Variants in AUH observed in about 807,000 individuals in gnomAD.
The protein encoded by AUH is AU RNA binding methylglutaconyl-CoA hydratase, also known as methylglutaconyl-CoA hydratase, mitochondrial.
Under a neutral mutation model 42.3 loss-of-function variants are expected in AUH, and 29 were observed. That is an observed-to-expected ratio of 0.69 (90% confidence interval 0.51 to 0.93). AUH has a LOEUF of 0.93. Ranked by LOEUF, AUH falls within the 40% of genes least tolerant of loss-of-function variation. The pLI is 0.00. For synonymous variants in AUH, 174 were observed against 166.4 expected (o/e 1.05, Z -0.35); for missense variants, 452 against 438.1 (o/e 1.03, Z -0.28).
intron 6 of AUH, among the ~76,000 whole-genome samples, chr9:91,256,337 A>C (rs958118283): frequency 7.2e-5 from 11 of 152,084 alleles, no homozygotes; most frequent in African/African-American, 2.4e-4. Flanking sequence ...CAATCTGGAG[A>C]CTGAGATCCA....
chr9:91,341,220 C>A (rs994840167), intron 3 of AUH, among the ~76,000 whole-genome samples: 9 of 152,162 alleles, frequency 5.9e-5, no homozygotes, highest in Admixed American at 5.9e-4. Flanking sequence ...ACAATGCTCA[C>A]CTCACCACAT....
At chr9:91,297,928 G>A in intron 5 of AUH, 56 bp downstream of exon 5, 1 of 1,298,828 alleles carries the variant, frequency 7.7e-7, no homozygotes, top group South Asian at 1.2e-5. Context: ...ATTACCTGAA[G>A]AGTAAACACA....
chr9:91,221,268 C>T (rs1464717188), intron 6 of AUH, among the ~76,000 whole-genome samples: 1 of 152,166 alleles, frequency 6.6e-6, no homozygotes, highest in Non-Finnish European at 1.5e-5. Context: ...GAGTCCAATC[C>T]ACAGTCATCA....
intron 6 of AUH, among the ~76,000 whole-genome samples, chr9:91,230,170 T>TA (rs1474925746): frequency 1.3e-5 from 2 of 151,952 alleles, no homozygotes; most frequent in Non-Finnish European, 2.9e-5. Context: ...TTGGTTCCAT[T>TA]CTCCCCATCA....
intron 6 of AUH, among the ~76,000 whole-genome samples, chr9:91,266,519 C>G (rs1225651635): frequency 6.6e-6 from 1 of 152,150 alleles, no homozygotes; most frequent in African/African-American, 2.4e-5. Context: ...TAATTTGTGG[C>G]CTCTACAATA....
At chr9:91,224,089 T>A (rs140733749) in intron 6 of AUH, among the ~76,000 whole-genome samples, 92 of 152,292 alleles carry the variant, frequency 6.0e-4, no homozygotes, top group African/African-American at 2.0e-3. Flanking sequence ...CAGCAGCCGA[T>A]TAAAGCCTTC....
chr9:91,344,968 G>A (rs1014942078), intron 3 of AUH, among the ~76,000 whole-genome samples: 2 of 150,520 alleles, frequency 1.3e-5, no homozygotes, highest in African/African-American at 2.4e-5. Flanking sequence ...AATCTTAATA[G>A]ATGCCAAAAA....
intron 6 of AUH, among the ~76,000 whole-genome samples, chr9:91,254,521 T>C (rs967777052): frequency 2.0e-5 from 3 of 152,180 alleles, no homozygotes; most frequent in African/African-American, 4.8e-5. Context: ...GTATGGAGGA[T>C]AGAATTCCAG....
chr9:91,247,883 T>C (rs1419463109), intron 6 of AUH, among the ~76,000 whole-genome samples: 1 of 152,220 alleles, frequency 6.6e-6, no homozygotes, highest in Non-Finnish European at 1.5e-5. Context: ...TACTATTGAG[T>C]TTAGAGAATT....
At chr9:91,284,282 C>A (rs1564063805) in intron 6 of AUH, among the ~76,000 whole-genome samples, 2 of 152,206 alleles carry the variant, frequency 1.3e-5, no homozygotes, top group Non-Finnish European at 2.9e-5. Flanking sequence ...GAAACTGGAT[C>A]CCTTCCTTAT....
At position 91,296,011 on chromosome 9, in the gene AUH, C is replaced by T; in HGVS notation, c.655+10G>A. 1 of 1,613,906 alleles carries T rather than the reference C, an allele frequency of 6.2e-7. No homozygotes were observed. The highest frequency in any genetic ancestry group is 8.5e-7 in the Non-Finnish European group (1 of 1,179,888). ...CAAGGATTTGAGGAATGGGCGTGAA[C>T]TACTCATACCTCCACCAGGAATAAT... On this transcript the variant is annotated intron_variant, in intron 6 of 9. Coordinates refer to ENST00000375731, the MANE Select transcript of AUH (RefSeq NM_001698.3).
At chr9:91,231,139 C>G (rs1045951457) in intron 6 of AUH, among the ~76,000 whole-genome samples, 1 of 152,196 alleles carries the variant, frequency 6.6e-6, no homozygotes, top group Non-Finnish European at 1.5e-5. Flanking sequence ...GTGGGTGCCC[C>G]TCCCCCAGCC....
chr9:91,297,844 A>C lies in AUH; in HGVS notation c.598+140T>G, dbSNP rs1827471809. The C allele has an allele frequency of 1.8e-5, 13 of 736,614 alleles. No individual in the cohort carries two copies. The East Asian group carries it at 3.7e-4, about 21-fold the overall frequency. 45.6% of individuals were successfully genotyped at this position (736,614 alleles called of 1,614,324 possible). On this transcript the variant is annotated intron_variant, in intron 5 of 9. Transcript: ENST00000375731. Reference sequence around the variant, plus strand: ...CTTTTTTCAGGTGGGAATTTCGAAAACACCATTAGGACCAACAAGTGACTT... The same window carrying C: ...CTTTTTTCAGGTGGGAATTTCGAAACCACCATTAGGACCAACAAGTGACTT...
Position 91,229,485 on chromosome 9 carries a change from T to C in AUH, c.656-8493A>G, listed in dbSNP as rs574525100. 3.7e-4 allele frequency among the ~76,000 whole-genome samples: 56 copies of C among 151,122 alleles called. No homozygotes were observed. The East Asian group carries it at 0.011, about 29-fold the overall frequency. ...GATGGGCTTCCTGAATACAGCACAC[T>C]GATGGGTCTTGACTCTTTATCCAAT... On this transcript the variant is annotated intron_variant, in intron 6 of 9. Transcript: ENST00000375731.
chr9:91,322,049 T>G (rs568638210), intron 4 of AUH, among the ~76,000 whole-genome samples: 1 of 152,188 alleles, frequency 6.6e-6, no homozygotes, highest in African/African-American at 2.4e-5. Context: ...TCCTTCAAAA[T>G]GTCTGGAATC....
intron 4 of AUH, among the ~76,000 whole-genome samples, chr9:91,300,123 A>G (rs1339429881): frequency 1.3e-5 from 2 of 152,028 alleles, no homozygotes; most frequent in African/African-American, 2.4e-5. Context: ...CCCTCCTTGT[A>G]TTCCTCCCTT....
chr9:91,279,471 G>T (rs1446160736), intron 6 of AUH, among the ~76,000 whole-genome samples: 1 of 152,150 alleles, frequency 6.6e-6, no homozygotes, highest in South Asian at 2.1e-4. Context: ...AGTTCTGCAG[G>T]CTGTACAGGA....
chr9:91,324,557 AAAAG>A (rs1396225279), intron 4 of AUH, among the ~76,000 whole-genome samples: 1 of 151,196 alleles, frequency 6.6e-6, no homozygotes, highest in Non-Finnish European at 1.5e-5. Flanking sequence ...TAAAAAAAAA[AAAAG>A]AAAGCCAAAT....
intron 3 of AUH, among the ~76,000 whole-genome samples, chr9:91,331,660 A>C (rs1830334479): frequency 6.6e-6 from 1 of 152,222 alleles, no homozygotes; most frequent in South Asian, 2.1e-4. Flanking sequence ...TATATTTTAA[A>C]CACCACCCAC....
Sources: gnomAD v4.1 joint callset for allele counts (sites outside exome capture counted in the v4.1 genomes callset) on GRCh38, gnomAD v4.1.1 for gene constraint, MANE v1.5 for transcripts, NCBI Gene and HGNC (gene_info 2026-07-23, HGNC 2026-07-21) for gene names.